The following CRACD variants were observed in gnomAD, a reference collection of about 807,000 sequenced individuals.
CRACD encodes capping protein inhibiting regulator of actin dynamics.
CRACD carries 56 observed loss-of-function variants against 106.8 expected under a neutral mutation model. The ratio of observed to expected loss-of-function variants is 0.52; its 90% confidence interval spans 0.42 to 0.66. CRACD has a LOEUF of 0.66. CRACD is among the 30% of genes least tolerant of loss of function. The probability of loss-of-function intolerance (pLI) is 0.00; values close to 1 mark genes in which losing one functional copy is unlikely to be tolerated. For synonymous variants in CRACD, 754 were observed against 670.8 expected, an observed-to-expected ratio of 1.12 and a Z score of -1.92; for missense variants, 1,730 against 1,623.2, an observed-to-expected ratio of 1.07 and a Z score of -1.13.
intron 2 of CRACD, among the ~76,000 whole-genome samples, chr4:56,254,842 C>T (rs566873855): frequency 6.6e-6 from 1 of 151,674 alleles, no homozygotes; most frequent in South Asian, 2.1e-4. Context: ...CGGTGGCTCA[C>T]GCCTGTAATC....
chr4:56,245,882 A>G (rs1446707087), intron 2 of CRACD, among the ~76,000 whole-genome samples: 1 of 152,248 alleles, frequency 6.6e-6, no homozygotes. Flanking sequence ...AACAGATTTT[A>G]TTCTCCTTGC....
chr4:56,060,995 T>C (rs79720361), intron 1 of CRACD, among the ~76,000 whole-genome samples: 1,853 of 152,270 alleles, frequency 0.012, 36 homozygotes, highest in African/African-American at 0.042. Context: ...CAGTCAATGA[T>C]ACTTTGTTAC....
chr4:56,295,821 C>T (rs1045893088), intron 3 of CRACD, among the ~76,000 whole-genome samples: 1 of 151,598 alleles, frequency 6.6e-6, no homozygotes, highest in Non-Finnish European at 1.5e-5. Flanking sequence ...TTCAGAAGTG[C>T]GATTCCACAA....
chr4:56,132,132 C>G (rs1265547427), intron 1 of CRACD, among the ~76,000 whole-genome samples: 2 of 152,124 alleles, frequency 1.3e-5, no homozygotes, highest in African/African-American at 2.4e-5. Context: ...TAACCTTTAC[C>G]TTCCAGGCTC....
rs1733401240 is a variant in CRACD, at chr4:56,090,780, C to CT, written c.-336+41485dup. Among the ~76,000 whole-genome samples, 5 of 152,090 alleles carry CT rather than the reference C, an allele frequency of 3.3e-5. No individual in the cohort carries two copies. The South Asian group carries it at 1.0e-3, about 32-fold the overall frequency. The stretch of plus-strand genomic sequence containing the variant: ...AAACAGCAGTGTGAAAGTGTTGGTC[C>CT]TTTTAGGGGCCATAGTTCCAACCAT... On this transcript the variant is annotated intron_variant, in intron 1 of 10. Transcript: ENST00000682029.
rs1419967111 is a variant in CRACD, at chr4:56,309,716, C to T, written c.286-950C>T. Among the ~76,000 whole-genome samples the T allele has an allele frequency of 4.6e-5, 7 of 152,032 alleles. No individual in the cohort carries two copies. The East Asian group carries it at 1.2e-3, about 25-fold the overall frequency. The stretch of plus-strand genomic sequence containing the variant: ...TAAAAATACAAAAATTAGCCGGATG[C>T]GGTGGCGCATGCCTGTAATCCCAGC... On this transcript the variant is annotated intron_variant, in intron 5 of 10. Coordinates refer to ENST00000682029, the MANE Select transcript of CRACD (RefSeq NM_001393381.1).
intron 2 of CRACD, among the ~76,000 whole-genome samples, chr4:56,250,842 A>G (rs1366826638): frequency 6.6e-6 from 1 of 152,214 alleles, no homozygotes; most frequent in African/African-American, 2.4e-5. Context: ...ATTACTATCT[A>G]TGGAAAAAAT....
In CRACD at chr4:56,327,391, G is replaced by C. The variant is rs565379360; in HGVS notation, c.3542-253G>C. ...GATACAAAATTTCAGTTAGATAAGA[G>C]GAATAAGTTCAAGAGACCTAAGAGA... On this transcript the variant is annotated intron_variant, in intron 10 of 10. Transcript: ENST00000682029. Among the ~76,000 whole-genome samples the C allele has an allele frequency of 3.3e-5, 5 of 152,132 alleles. No individual in the cohort carries two copies. In the South Asian group the frequency reaches 1.0e-3, roughly 32 times the overall value.
chr4:56,300,102 C>T (rs1011833099), intron 4 of CRACD, among the ~76,000 whole-genome samples: 2 of 152,164 alleles, frequency 1.3e-5, no homozygotes, highest in East Asian at 3.9e-4. Context: ...TGCACCACTG[C>T]ACTCCAGCCT....
chr4:56,303,348 GAAA>G (rs767375663), intron 4 of CRACD, among the ~76,000 whole-genome samples: 5 of 134,170 alleles, frequency 3.7e-5, no homozygotes, highest in Admixed American at 1.5e-4. Flanking sequence ...TCCTTTGTAG[GAAA>G]AAAAAAAAAA....
At chr4:56,189,617 C>G (rs568950859) in intron 2 of CRACD, among the ~76,000 whole-genome samples, 2 of 137,010 alleles carry the variant, frequency 1.5e-5, no homozygotes, top group Non-Finnish European at 3.1e-5. Flanking sequence ...TCTCATTGTT[C>G]AATTCCCACC....
intron 3 of CRACD, among the ~76,000 whole-genome samples, chr4:56,296,218 T>C (rs1415340226): frequency 6.6e-6 from 1 of 152,168 alleles, no homozygotes. Context: ...TTTCTCACTC[T>C]ACTCCTTCAA....
chr4:56,313,299 G>T lies in CRACD; in HGVS notation c.457G>T (p.Asp153Tyr). The T allele has an allele frequency of 6.2e-7, 1 of 1,614,210 alleles. No individual in the cohort carries two copies. The highest frequency in any genetic ancestry group is 8.5e-7 in the Non-Finnish European group (1 of 1,180,034). Residue 153 changes from aspartate to tyrosine, a missense_variant, in exon 7 of 11, where the codon GAC (aspartate) becomes TAC (tyrosine). Asp to Tyr is a radical substitution (Grantham distance 160, BLOSUM62 -3). Coordinates refer to ENST00000682029, the MANE Select transcript of CRACD (RefSeq NM_001393381.1). ...CATCCCCCTGGCCATCGCTCGCCTG[G>T]ACAACAGTGCCGCCAAGCACAAGCT... ...DAIPLAIARL[D>Y]NSAAKHKLAV...
intron 3 of CRACD, among the ~76,000 whole-genome samples, chr4:56,289,870 A>G (rs758252388): frequency 1.3e-5 from 2 of 152,192 alleles, no homozygotes; most frequent in Non-Finnish European, 2.9e-5. Flanking sequence ...AGCCGTGTCA[A>G]TAGGAGCCAG....
chr4:56,222,123 A>C (rs1337454635), intron 2 of CRACD, among the ~76,000 whole-genome samples: 2 of 152,252 alleles, frequency 1.3e-5, no homozygotes, highest in Non-Finnish European at 2.9e-5. Context: ...ACAGTTGCAA[A>C]GATATGGAGC....
At chr4:56,311,333 G>C (rs867267428) in intron 6 of CRACD, 4 of 152,872 alleles carry the variant, frequency 2.6e-5, no homozygotes, top group Admixed American at 2.0e-4. Flanking sequence ...AGACAGTATA[G>C]GAAGCAGGAT....
At chr4:56,124,624 A>G (rs895546610) in intron 1 of CRACD, among the ~76,000 whole-genome samples, 2 of 152,208 alleles carry the variant, frequency 1.3e-5, no homozygotes, top group African/African-American at 4.8e-5. Flanking sequence ...CTTTGTTTAA[A>G]TCACGGTCCA....
At chr4:56,099,714 G>C (rs547195869) in intron 1 of CRACD, among the ~76,000 whole-genome samples, 38 of 152,320 alleles carry the variant, frequency 2.5e-4, no homozygotes, top group African/African-American at 8.9e-4. Context: ...AATTAAGTGA[G>C]CACCATGCTG....
chr4:56,255,501 G>A lies in CRACD; in HGVS notation c.-188-16820G>A, dbSNP rs566937352. Among the ~76,000 whole-genome samples, 19 of 152,086 alleles carry A rather than the reference G, an allele frequency of 1.2e-4. 1 individual carries two copies. In the South Asian group the frequency reaches 1.5e-3, roughly 12 times the overall value. On this transcript the variant is annotated intron_variant, in intron 2 of 10. Transcript: ENST00000682029. ...CTCTTTAAAAAAAAAAAATCAGTTA[G>A]CTTGTTTTTAAAAGAAATCAGTGTC...
Sources: gnomAD v4.1 joint callset for allele counts (sites outside exome capture counted in the v4.1 genomes callset) on GRCh38, gnomAD v4.1.1 for gene constraint, MANE v1.5 for transcripts, NCBI Gene and HGNC (gene_info 2026-07-23, HGNC 2026-07-21) for gene names.